DENND11: variants seen among roughly 807,000 people sequenced by gnomAD.
The protein encoded by DENND11 is DENN domain containing 11, also known as DENN domain-containing protein 11.
Under a neutral mutation model 49.2 loss-of-function variants are expected in DENND11, and 34 were observed. The ratio of observed to expected loss-of-function variants is 0.69; its 90% confidence interval spans 0.53 to 0.92. DENND11 has a LOEUF of 0.92. Among genes scored for constraint, DENND11 ranks in the 40% least tolerant of loss-of-function variants. DENND11 has a pLI of 0.00. For missense variants in DENND11, 475 were observed against 581.6 expected (o/e 0.82, Z 1.88); for synonymous variants, 238 against 230.3 (o/e 1.03, Z -0.30).
rs371347863 is a variant in DENND11 at position 141,662,733 on chromosome 7, G to A, written c.1291C>T (p.Arg431Trp). ...TCCAGCAGGTCCAGGAGAAAGCTCC[G>A]GTCTCCTTGGGGGTCTAGGCCCATG... is the stretch of plus-strand genomic sequence containing the variant. ...RGMGLDPQGD[R>W]SFLLDLLEAY... Residue 431 changes from arginine to tryptophan, a missense_variant, in exon 9 of 9, where the codon CGG becomes TGG. Coordinates refer to ENST00000536163, the MANE Select transcript of DENND11 (RefSeq NM_001080392.2). 5.6e-6 allele frequency: 9 copies of A among 1,611,312 alleles called. No individual in the cohort carries two copies. Among genetic ancestry groups the A allele is most frequent in the East Asian group, 2.2e-5 (1 of 44,766 alleles).
chr7:141,672,727 T>C (rs1798002383), intron 4 of DENND11, among the ~76,000 whole-genome samples: 1 of 152,216 alleles, frequency 6.6e-6, no homozygotes, highest in African/African-American at 2.4e-5. Context: ...AACCATTAAT[T>C]TGGGGATTTG....
chr7:141,696,137 C>A (rs2117083113), intron 1 of DENND11, among the ~76,000 whole-genome samples: 1 of 152,328 alleles, frequency 6.6e-6, no homozygotes, highest in Non-Finnish European at 1.5e-5. Flanking sequence ...CTGAACCCTG[C>A]CACTTCACAG....
At position 141,659,816 on chromosome 7, in the gene DENND11, A is replaced by G. The variant is rs1185023165; in HGVS notation, c.*2840T>C. On this transcript the variant is annotated 3_prime_UTR_variant, in exon 9 of 9. Transcript: ENST00000536163. ...ACCCTCCTCCAGGAGGCCGGTGGTC[A>G]TCATAATGCCCGCCCCTAAAGAGCT... 6.6e-6 allele frequency: 1 copy of G among 152,198 alleles called. No individual in the cohort carries two copies. Among genetic ancestry groups the G allele is most frequent in the East Asian group, 1.9e-4 (1 of 5,192 alleles). The allele number at this position is 152,198 out of a possible 1,614,324, so 9.4% of individuals were successfully genotyped here.
chr7:141,693,998 TTCA>T (rs1462516253), intron 1 of DENND11, among the ~76,000 whole-genome samples: 1 of 152,216 alleles, frequency 6.6e-6, no homozygotes, highest in Non-Finnish European at 1.5e-5. Context: ...TCAATATTAG[TTCA>T]TCAATTATAA....
intron 4 of DENND11, among the ~76,000 whole-genome samples, chr7:141,670,053 G>A (rs902222663): frequency 6.0e-5 from 9 of 149,630 alleles, no homozygotes; most frequent in African/African-American, 7.5e-5. Flanking sequence ...CTCGTGATCC[G>A]CCCGCCTCGG....
intron 7 of DENND11, 113 bp from the exon 8 acceptor site, chr7:141,664,353 C>T: frequency 1.3e-6 from 1 of 763,448 alleles, no homozygotes. Flanking sequence ...GCAGCACCAG[C>T]CAGGAAAGGG....
intron 2 of DENND11, 35 bp downstream of exon 2, chr7:141,686,524 T>A: frequency 7.5e-7 from 1 of 1,337,280 alleles, no homozygotes; most frequent in Non-Finnish European, 1.1e-6. Flanking sequence ...GTGGGGGGAA[T>A]GGTACGAAGA....
intron 3 of DENND11, among the ~76,000 whole-genome samples, chr7:141,677,401 AAATAT>A (rs1444465966): frequency 7.0e-5 from 5 of 71,362 alleles, no homozygotes; most frequent in African/African-American, 1.5e-4. Flanking sequence ...AAAAAAAAAA[AAATAT>A]ATATATATAT....
At chr7:141,677,670 A>G (rs1798085622) in intron 3 of DENND11, among the ~76,000 whole-genome samples, 1 of 151,800 alleles carries the variant, frequency 6.6e-6, no homozygotes, top group Non-Finnish European at 1.5e-5. Context: ...ATTAAATTGT[A>G]CATTGTACAC....
chr7:141,665,221 G>A lies in DENND11; in HGVS notation c.918C>T (p.Ile306=), dbSNP rs150839309. The A allele has an allele frequency of 1.5e-4, 245 of 1,613,216 alleles. No individual in the cohort carries two copies. In the African/African-American group the frequency reaches 2.7e-3, roughly 18 times the overall value. ...KPFFYVNVAD[I]ESLEVEVSYV... is the part of the protein sequence containing the mutation. ...AGGACACCTCTACCTCCAGGCTCTCGATGTCAGCCACGTTCACGTAGAAGA... is the reference window on the plus strand; with the variant it reads ...AGGACACCTCTACCTCCAGGCTCTCAATGTCAGCCACGTTCACGTAGAAGA... Residue 306 remains isoleucine (I), a synonymous_variant, in exon 6 of 9, where the codon ATC becomes ATT. Transcript: ENST00000536163.
chr7:141,676,080 G>A (rs932439172), intron 3 of DENND11, among the ~76,000 whole-genome samples: 24 of 152,298 alleles, frequency 1.6e-4, no homozygotes, highest in Admixed American at 4.6e-4. Context: ...TCAAACTGAC[G>A]AAAGTCTGAT....
intron 1 of DENND11, among the ~76,000 whole-genome samples, chr7:141,700,022 G>A (rs754616804): frequency 7.2e-5 from 11 of 152,024 alleles, no homozygotes; most frequent in South Asian, 2.1e-4. Context: ...GCCCTCTGGC[G>A]CTTTTATCAA....
Position 141,658,340 on chromosome 7 carries a change from A to C in DENND11, c.*4316T>G, listed in dbSNP as rs533377298. ...GATAAAAATGGAATATTAAAAATCC[A>C]TGACTTGGGAGTAAACGGAGCCCTT... is the stretch of plus-strand genomic sequence containing the variant. On this transcript the variant is annotated 3_prime_UTR_variant, in exon 9 of 9. Coordinates refer to ENST00000536163, the MANE Select transcript of DENND11 (RefSeq NM_001080392.2). 5.9e-5 allele frequency: 9 copies of C among 152,188 alleles called. No homozygotes were observed. The highest frequency in any genetic ancestry group is 4.6e-4 in the Admixed American group (7 of 15,278). 9.4% of individuals were successfully genotyped at this position (152,188 alleles called of 1,614,324 possible). A position where few individuals can be genotyped will look rare whatever the true frequency, so the allele number is the denominator to read the frequency against.
At chr7:141,700,888 T>C (rs1798500100) in intron 1 of DENND11, among the ~76,000 whole-genome samples, 1 of 152,020 alleles carries the variant, frequency 6.6e-6, no homozygotes, top group Non-Finnish European at 1.5e-5. Context: ...GCAGCCAATA[T>C]TTTCCCGCAC....
At chr7:141,694,805 T>C (rs1798386802) in intron 1 of DENND11, among the ~76,000 whole-genome samples, 1 of 152,170 alleles carries the variant, frequency 6.6e-6, no homozygotes, top group Admixed American at 6.5e-5. Flanking sequence ...AATCAAGCCA[T>C]GTCGGAATAT....
chr7:141,696,860 T>C (rs1433538657), intron 1 of DENND11, among the ~76,000 whole-genome samples: 1 of 152,214 alleles, frequency 6.6e-6, no homozygotes, highest in African/African-American at 2.4e-5. Context: ...ACTTTGGGTC[T>C]TACATGGTTT....
intron 3 of DENND11, among the ~76,000 whole-genome samples, chr7:141,678,161 C>T (rs564086335): frequency 2.6e-4 from 40 of 152,170 alleles, no homozygotes; most frequent in Admixed American, 7.2e-4. Flanking sequence ...GGGGTTTCAC[C>T]GTTGTTGCTC....
At chr7:141,684,705 T>C (rs903280690) in intron 3 of DENND11, among the ~76,000 whole-genome samples, 2 of 152,136 alleles carry the variant, frequency 1.3e-5, no homozygotes, top group African/African-American at 4.8e-5. Flanking sequence ...ATATATTGTA[T>C]GATGCCAAAT....
chr7:141,702,087 G>A lies in DENND11; in HGVS notation c.67C>T (p.Gln23Ter). 1 of 985,608 alleles carries A rather than the reference G, an allele frequency of 1.0e-6. No individual in the cohort carries two copies. The highest frequency in any genetic ancestry group is 1.2e-6 in the Non-Finnish European group (1 of 831,450). The allele number at this position is 985,608 out of a possible 1,614,324, so 61.1% of individuals were successfully genotyped here. ...CCTCCCGCCTGCGGCTGCGGGGCCTGCGGCAGGGAGACGGCGGGGCCCTCG... is the reference window on the plus strand; with the variant it reads ...CCTCCCGCCTGCGGCTGCGGGGCCTACGGCAGGGAGACGGCGGGGCCCTCG... ...WAEGPAVSLP[Q>*]APQPQAGGWG... The change falls in exon 1 of 9, where the codon CAG becomes TAG. Residue 23 changes from glutamine to a stop codon, truncating the protein, a stop_gained. Transcript: ENST00000536163. LOFTEE classifies it high-confidence loss of function.
Sources: allele counts gnomAD v4.1 joint callset (sites outside exome capture counted in the v4.1 genomes callset), GRCh38; gene constraint gnomAD v4.1.1; transcripts MANE v1.5; gene names NCBI Gene and HGNC (gene_info 2026-07-23, HGNC 2026-07-21).